The following NEXN variants were observed in gnomAD, a reference collection of about 807,000 sequenced individuals.
NEXN encodes the protein nexilin.
NEXN carries 65 observed loss-of-function variants against 92.6 expected under a neutral mutation model. That is an observed-to-expected ratio of 0.70 (90% CI 0.57 to 0.86). The LOEUF is 0.86. Among genes scored for constraint, NEXN ranks in the 40% least tolerant of loss-of-function variants. NEXN has a pLI of 0.00. For synonymous variants in NEXN, 254 were observed against 242.5 expected (o/e 1.05, Z -0.44); for missense variants, 778 against 771.1 (o/e 1.01, Z -0.11).
intron 5 of NEXN, among the ~76,000 whole-genome samples, chr1:77,924,879 T>G (rs746362064): frequency 3.3e-5 from 5 of 152,114 alleles, no homozygotes; most frequent in African/African-American, 4.8e-5. Flanking sequence ...AAGCTGGTCT[T>G]GAACTCCTGG....
chr1:77,917,798 G>A, intron 3 of NEXN, 41 bp downstream of exon 3: 1 of 1,529,190 alleles, frequency 6.5e-7, no homozygotes, highest in Non-Finnish European at 9.0e-7. Context: ...ATATTTGTTT[G>A]CATTTTTTCA....
chr1:77,910,693 GTGAGCTGAGAC>G (rs1022204773), intron 1 of NEXN, among the ~76,000 whole-genome samples: 2 of 147,202 alleles, frequency 1.4e-5, no homozygotes, highest in African/African-American at 5.0e-5. Context: ...GGAGGTTGCA[GTGAGCTGAGAC>G]TGTGCCATTG....
At chr1:77,923,294 C>T (rs1649586732) in intron 5 of NEXN, among the ~76,000 whole-genome samples, 1 of 151,408 alleles carries the variant, frequency 6.6e-6, no homozygotes, top group Non-Finnish European at 1.5e-5. Flanking sequence ...CATGCCTGGC[C>T]AGGTATCTTA....
chr1:77,903,154 T>C lies in NEXN; in HGVS notation c.-52-12901T>C, dbSNP rs187063858. Among the ~76,000 whole-genome samples, 165 of 151,948 alleles carry C rather than the reference T, an allele frequency of 1.1e-3. 2 individuals are homozygous for C. Among genetic ancestry groups the C allele is most frequent in the African/African-American group, 3.8e-3 (158 of 41,404 alleles). On this transcript the variant is annotated intron_variant, in intron 1 of 12. Coordinates refer to ENST00000334785, the MANE Select transcript of NEXN (RefSeq NM_144573.4). ...CACAGAGAGGTAGAGATGGCAGTAGTTGAGTAGAGAACCTAGTGGGCCTGG... is the reference window on the plus strand; with the variant it reads ...CACAGAGAGGTAGAGATGGCAGTAGCTGAGTAGAGAACCTAGTGGGCCTGG...
chr1:77,896,081 G>T (rs1184036739), intron 1 of NEXN, among the ~76,000 whole-genome samples: 2 of 151,904 alleles, frequency 1.3e-5, no homozygotes, highest in Non-Finnish European at 2.9e-5. Context: ...TGAGGCAGGA[G>T]AATTGCTTGA....
chr1:77,940,194 T>G (rs569341322), intron 11 of NEXN, among the ~76,000 whole-genome samples: 55 of 152,360 alleles, frequency 3.6e-4, no homozygotes, highest in South Asian at 4.1e-4. Context: ...CCTCATTTGG[T>G]ACTTAAATGC....
intron 9 of NEXN, 107 bp downstream of exon 9, chr1:77,929,611 C>A: frequency 6.8e-7 from 1 of 1,463,262 alleles, no homozygotes; most frequent in Non-Finnish European, 9.5e-7. Flanking sequence ...GAAACTGTGC[C>A]AAGAGTAGAA....
chr1:77,922,817 G>A (rs1049264102), intron 5 of NEXN, among the ~76,000 whole-genome samples: 1 of 148,204 alleles, frequency 6.7e-6, no homozygotes, highest in African/African-American at 2.5e-5. Context: ...GGACAGTCTC[G>A]ATCTCCTGAT....
chr1:77,931,635 T>A (rs528782364), intron 9 of NEXN: 1 of 152,286 alleles, frequency 6.6e-6, no homozygotes, highest in African/African-American at 2.4e-5. Flanking sequence ...TACATTTATA[T>A]TGTTTTCTTA....
chr1:77,912,902 T>C (rs200518559), intron 1 of NEXN, among the ~76,000 whole-genome samples: 3 of 152,156 alleles, frequency 2.0e-5, no homozygotes, highest in Admixed American at 2.0e-4. Context: ...TTAGCTATGA[T>C]ACCAAAGTCA....
intron 1 of NEXN, among the ~76,000 whole-genome samples, chr1:77,901,416 ATTTTG>A (rs1028235581): frequency 2.2e-4 from 33 of 152,268 alleles, no homozygotes; most frequent in African/African-American, 6.0e-4. Context: ...ATATTAGAAT[ATTTTG>A]TTTTAATTTC....
rs727505219 is a variant in NEXN, at chr1:77,916,097, T to C, written c.-10T>C. On this transcript the variant is annotated 5_prime_UTR_variant, in exon 2 of 13. Transcript: ENST00000334785. ...GCTTCATAATCAGCCCAAGACCACA[T>C]AGAGCAAACATGAATGATATTTCCC... is the stretch of plus-strand genomic sequence containing the variant. 7 of 1,604,986 alleles carry C rather than the reference T, an allele frequency of 4.4e-6. No homozygotes were observed. The African/African-American group carries it at 5.4e-5, about 12-fold the overall frequency.
At chr1:77,922,949 TTTA>T (rs1309815839) in intron 5 of NEXN, among the ~76,000 whole-genome samples, 1 of 151,704 alleles carries the variant, frequency 6.6e-6, no homozygotes, top group Non-Finnish European at 1.5e-5. Context: ...ATAAAATAGA[TTTA>T]TTTTTAACAA....
At chr1:77,927,035 C>A in intron 8 of NEXN, 143 bp downstream of exon 8, 2 of 1,170,910 alleles carry the variant, frequency 1.7e-6, no homozygotes, top group South Asian at 1.4e-5. Context: ...ATATAAAATA[C>A]ATCTAGGCTA....
chr1:77,899,736 T>C (rs1397516350), intron 1 of NEXN, among the ~76,000 whole-genome samples: 1 of 151,956 alleles, frequency 6.6e-6, no homozygotes, highest in Non-Finnish European at 1.5e-5. Flanking sequence ...GACTTTTTGT[T>C]CCCTTTCATC....
rs1222507869 is a variant in NEXN at position 77,942,725 on chromosome 1, C to T, written c.1924C>T (p.Pro642Ser). The T allele has an allele frequency of 1.9e-6, 3 of 1,613,640 alleles. No homozygotes were observed. Among genetic ancestry groups the T allele is most frequent in the South Asian group, 1.1e-5 (1 of 91,052 alleles). ...ERGETYCLYL[P>S]ETFPEDGGEY... ...GGGAGAAACTTACTGCCTTTACTTA[C>T]CAGAAACTTTCCCAGAAGATGGAGG... is the stretch of plus-strand genomic sequence containing the variant. The change falls in exon 13 of 13, where the codon CCA (proline) becomes TCA (serine). Residue 642 changes from proline to serine, a missense_variant. Coordinates refer to ENST00000334785, the MANE Select transcript of NEXN (RefSeq NM_144573.4).
At chr1:77,895,777 A>G (rs1329222938) in intron 1 of NEXN, among the ~76,000 whole-genome samples, 1 of 152,134 alleles carries the variant, frequency 6.6e-6, no homozygotes, top group Non-Finnish European at 1.5e-5. Context: ...AGGCATGAGA[A>G]TCACTTGAAC....
chr1:77,899,208 C>T (rs546085699), intron 1 of NEXN, among the ~76,000 whole-genome samples: 30 of 151,922 alleles, frequency 2.0e-4, no homozygotes, highest in South Asian at 8.3e-4. Flanking sequence ...CACATGCACA[C>T]GTATGTTTAT....
intron 11 of NEXN, among the ~76,000 whole-genome samples, chr1:77,938,346 A>T (rs374020083): frequency 6.6e-6 from 1 of 152,154 alleles, no homozygotes; most frequent in South Asian, 2.1e-4. Flanking sequence ...GGATATAATA[A>T]GCATTTAAGA....
Sources: allele counts gnomAD v4.1 joint callset (sites outside exome capture counted in the v4.1 genomes callset), GRCh38; gene constraint gnomAD v4.1.1; transcripts MANE v1.5; gene names NCBI Gene and HGNC (gene_info 2026-07-23, HGNC 2026-07-21).